Variants in GRIA1 observed in about 807,000 individuals in gnomAD.
GRIA1 encodes glutamate ionotropic receptor AMPA type subunit 1.
A neutral mutation model predicts 99.2 loss-of-function variants in GRIA1; 31 were observed. The ratio of observed to expected loss-of-function variants is 0.31; its 90% CI spans 0.23 to 0.42. GRIA1 has a LOEUF of 0.42. Ranked by LOEUF, GRIA1 falls within the 10% of genes least tolerant of loss-of-function variation. The pLI, the probability that GRIA1 is intolerant of heterozygous loss-of-function variation, is 1.00. For synonymous variants in GRIA1, 438 were observed against 432.4 expected (o/e 1.01, Z -0.16); for missense variants, 782 against 1,157.5 (o/e 0.68, Z 4.71).
At position 153,660,492 on chromosome 5, in the gene GRIA1, T is replaced by C. The variant is rs79170188; in HGVS notation, c.699+4620T>C. Among the ~76,000 whole-genome samples, 58 of 152,274 alleles carry C rather than the reference T, an allele frequency of 3.8e-4. No individual in the cohort carries two copies. In the East Asian group the frequency reaches 0.011, roughly 28 times the overall value. On this transcript the variant is annotated intron_variant, in intron 5 of 15. Transcript: ENST00000285900. ...TGGAATCCCAAAATTTGTGTTCTTA[T>C]TACCGTGCCATGTGAGTGCTGGACA...
At chr5:153,595,734 A>AATAAT (rs927780542) in intron 2 of GRIA1, among the ~76,000 whole-genome samples, 2 of 148,288 alleles carry the variant, frequency 1.3e-5, no homozygotes, top group African/African-American at 4.9e-5. Flanking sequence ...ATATGAGTTA[A>AATAAT]ATAATATAAT....
Position 153,624,763 on chromosome 5 carries a change from C to T in GRIA1, c.221-22165C>T, listed in dbSNP as rs1025607950. Among the ~76,000 whole-genome samples the T allele has an allele frequency of 7.2e-5, 11 of 152,248 alleles. No individual in the cohort carries two copies. The East Asian group carries it at 7.7e-4, about 11-fold the overall frequency. ...TCATCCCTACCAGATTAGATAATCA[C>T]GTGGAAAACTGTAAGAAACATCTTC... On this transcript the variant is annotated intron_variant, in intron 2 of 15. Coordinates refer to ENST00000285900, the MANE Select transcript of GRIA1 (RefSeq NM_000827.4).
At position 153,811,253 on chromosome 5, in the gene GRIA1, G is replaced by C; in HGVS notation, c.*28G>C. The C allele has an allele frequency of 6.4e-7, 1 of 1,567,146 alleles. No homozygotes were observed. Among genetic ancestry groups the C allele is most frequent in the Non-Finnish European group, 8.8e-7 (1 of 1,137,936 alleles). On this transcript the variant is annotated 3_prime_UTR_variant, in exon 16 of 16. Transcript: ENST00000285900. ...GGAGCAGATGGAGACCCCTTGGGGA[G>C]CAGGCTCGGGCTCCCCAGCCCCATC...
intron 11 of GRIA1, among the ~76,000 whole-genome samples, chr5:153,721,356 A>G (rs182375355): frequency 6.6e-6 from 1 of 152,284 alleles, no homozygotes; most frequent in Non-Finnish European, 1.5e-5. Context: ...TTCTTTTTAT[A>G]AATTTTATTA....
intron 11 of GRIA1, among the ~76,000 whole-genome samples, chr5:153,738,005 C>A (rs1345725765): frequency 6.6e-6 from 1 of 152,226 alleles, no homozygotes; most frequent in African/African-American, 2.4e-5. Context: ...ATAGGGGCCC[C>A]TATCCCCACC....
chr5:153,750,611 GCCCCCTGCCTTAGTGTCTGCT>G (rs1289713017), intron 11 of GRIA1, among the ~76,000 whole-genome samples: 1 of 152,056 alleles, frequency 6.6e-6, no homozygotes, highest in Non-Finnish European at 1.5e-5. Context: ...TTTCCTGAAG[GCCCCCTGCCTTAGTGTCTGCT>G]CCCCCTGCCC....
chr5:153,728,445 C>T (rs1448126984), intron 11 of GRIA1, among the ~76,000 whole-genome samples: 1 of 132,676 alleles, frequency 7.5e-6, no homozygotes, highest in Non-Finnish European at 1.6e-5. Context: ...AGTGAACAGG[C>T]AACCTACAAA....
At chr5:153,545,868 G>C (rs1408457387) in intron 2 of GRIA1, among the ~76,000 whole-genome samples, 4 of 152,134 alleles carry the variant, frequency 2.6e-5, no homozygotes. Flanking sequence ...AGCTGAATTT[G>C]GCCCACACAC....
intron 2 of GRIA1, among the ~76,000 whole-genome samples, chr5:153,573,035 G>A (rs1762254243): frequency 2.0e-5 from 3 of 152,144 alleles, no homozygotes; most frequent in South Asian, 4.1e-4. Flanking sequence ...CAAAAGGACT[G>A]GGCAAAATAG....
At chr5:153,614,284 T>A (rs996877171) in intron 2 of GRIA1, among the ~76,000 whole-genome samples, 2 of 152,202 alleles carry the variant, frequency 1.3e-5, no homozygotes, top group East Asian at 3.8e-4. Flanking sequence ...AAAGACCATG[T>A]TTTCCCCGCC....
chr5:153,659,530 C>T (rs1402939695), intron 5 of GRIA1, among the ~76,000 whole-genome samples: 1 of 152,168 alleles, frequency 6.6e-6, no homozygotes, highest in Non-Finnish European at 1.5e-5. Context: ...AGCCAGAGTC[C>T]TTCAGAGTTG....
intron 15 of GRIA1, among the ~76,000 whole-genome samples, chr5:153,810,338 A>G (rs1766731295): frequency 6.6e-6 from 1 of 152,214 alleles, no homozygotes; most frequent in African/African-American, 2.4e-5. Flanking sequence ...GTTCCTTTCC[A>G]ATTAGATTTT....
At chr5:153,631,483 G>A (rs560498373) in intron 2 of GRIA1, among the ~76,000 whole-genome samples, 72 of 152,348 alleles carry the variant, frequency 4.7e-4, no homozygotes, top group African/African-American at 1.6e-3. Context: ...AGTGAAATAT[G>A]AGTGCAAAAG....
intron 2 of GRIA1, among the ~76,000 whole-genome samples, chr5:153,609,497 G>C (rs1184582001): frequency 6.6e-6 from 1 of 150,748 alleles, no homozygotes; most frequent in Non-Finnish European, 1.5e-5. Context: ...TGTCCAGCTA[G>C]CCTCCTTCTC....
intron 11 of GRIA1, among the ~76,000 whole-genome samples, chr5:153,738,771 G>A (rs1462569627): frequency 8.0e-6 from 1 of 125,452 alleles, no homozygotes; most frequent in African/African-American, 3.1e-5. Context: ...TGCCCAGGCT[G>A]AAATGCAATG....
At chr5:153,741,934 T>TTAAA (rs1554122122) in intron 11 of GRIA1, among the ~76,000 whole-genome samples, 2 of 144,958 alleles carry the variant, frequency 1.4e-5, no homozygotes, top group Non-Finnish European at 3.0e-5. Flanking sequence ...AAGCTTTTTT[T>TTAAA]AAAAAAAAAA....
At chr5:153,679,448 A>G (rs1756819008) in intron 7 of GRIA1, among the ~76,000 whole-genome samples, 1 of 152,194 alleles carries the variant, frequency 6.6e-6, no homozygotes, top group Non-Finnish European at 1.5e-5. Flanking sequence ...TTATAATGAA[A>G]CAGCAAATCC....
intron 11 of GRIA1, among the ~76,000 whole-genome samples, chr5:153,762,944 T>G (rs1306960994): frequency 2.0e-5 from 3 of 152,220 alleles, no homozygotes; most frequent in Non-Finnish European, 4.4e-5. Context: ...TCAGTGAACA[T>G]GTCTCTTCAA....
At chr5:153,680,113 C>G (rs767526191) in intron 7 of GRIA1, among the ~76,000 whole-genome samples, 4 of 152,134 alleles carry the variant, frequency 2.6e-5, no homozygotes, top group Admixed American at 6.5e-5. Context: ...GATGATGCCT[C>G]CCTCTGTATG....
Sources: allele counts gnomAD v4.1 joint callset (sites outside exome capture counted in the v4.1 genomes callset), GRCh38; gene constraint gnomAD v4.1.1; transcripts MANE v1.5; gene names NCBI Gene and HGNC (gene_info 2026-07-23, HGNC 2026-07-21).